Variants in LRP2 observed in about 807,000 individuals in gnomAD.
LRP2 encodes the protein low-density lipoprotein receptor-related protein 2.
Under a neutral mutation model 531.0 loss-of-function variants are expected in LRP2, and 172 were observed. The ratio of observed to expected loss-of-function variants is 0.32; its 90% CI spans 0.29 to 0.37. The LOEUF (loss-of-function observed/expected upper bound fraction) is 0.37, where lower values mean the gene tolerates loss of function less well. Among genes scored for constraint, LRP2 ranks in the 10% least tolerant of loss-of-function variants. The pLI, the probability that LRP2 is intolerant of heterozygous loss-of-function variation, is 1.00. For missense variants in LRP2, 5,167 were observed against 5,868.3 expected (o/e 0.88, Z 3.90); for synonymous variants, 1,992 against 2,027.6 (o/e 0.98, Z 0.47).
At chr2:169,261,600 T>C (rs1385926531) in intron 16 of LRP2, among the ~76,000 whole-genome samples, 1 of 151,606 alleles carries the variant, frequency 6.6e-6, no homozygotes, top group Non-Finnish European at 1.5e-5. Context: ...AGGAATATTT[T>C]AAAAGGTAGG....
At chr2:169,273,791 G>A (rs1320612801) in intron 14 of LRP2, among the ~76,000 whole-genome samples, 1 of 151,948 alleles carries the variant, frequency 6.6e-6, no homozygotes, top group African/African-American at 2.4e-5. Flanking sequence ...ATTGATTTGG[G>A]GAAACAATAG....
chr2:169,273,273 C>T (rs1430856939), intron 14 of LRP2, among the ~76,000 whole-genome samples: 1 of 152,074 alleles, frequency 6.6e-6, no homozygotes, highest in East Asian at 1.9e-4. Flanking sequence ...CTCCCATCCA[C>T]TCTCCAACAG....
Position 169,259,087 on chromosome 2 carries a change from C to G in LRP2, c.2451G>C (p.Thr817=). The G allele has an allele frequency of 6.2e-7, 1 of 1,613,372 alleles. No homozygotes were observed. Among genetic ancestry groups the G allele is most frequent in the Admixed American group, 1.7e-5 (1 of 59,904 alleles). ...TTAAATACTGAACTACTGTGCGTCT[C>G]GTTTTATCAGCTAGCCTCATGACAC... ...SISVMRLADK[T]RRTVVQYLNN... Residue 817 remains threonine (T), a synonymous_variant, in exon 17 of 79, where the codon ACG becomes ACC. Transcript: ENST00000649046.
At chr2:169,184,241 C>A (rs949195945) in intron 50 of LRP2, among the ~76,000 whole-genome samples, 1 of 152,144 alleles carries the variant, frequency 6.6e-6, no homozygotes, top group African/African-American at 2.4e-5. Context: ...AATCATTAAT[C>A]ACTATACTTT....
chr2:169,133,434 C>A (rs189128963), intron 76 of LRP2, among the ~76,000 whole-genome samples: 1 of 152,190 alleles, frequency 6.6e-6, no homozygotes, highest in Non-Finnish European at 1.5e-5. Context: ...TGTCGTATCT[C>A]TTTTATCATG....
intron 1 of LRP2, among the ~76,000 whole-genome samples, chr2:169,344,256 C>T (rs1336141908): frequency 2.6e-5 from 4 of 152,092 alleles, no homozygotes; most frequent in African/African-American, 9.7e-5. Context: ...TCTCCTAATG[C>T]TATCCCTCCC....
chr2:169,168,699 A>G (rs765438020), intron 60 of LRP2, 23 bp from the exon 61 acceptor site: 1 of 1,613,712 alleles, frequency 6.2e-7, no homozygotes, highest in Admixed American at 1.7e-5. Flanking sequence ...AAAAAAACAT[A>G]TTCAAATTAT....
At chr2:169,243,267 C>T (rs1242063595) in intron 23 of LRP2, 136 bp downstream of exon 23, 4 of 1,084,350 alleles carry the variant, frequency 3.7e-6, no homozygotes, top group Admixed American at 3.9e-5. Context: ...GGTATTTCTC[C>T]TAATGCCATC....
At chr2:169,293,129 C>T (rs1006279469) in intron 6 of LRP2, among the ~76,000 whole-genome samples, 1 of 152,192 alleles carries the variant, frequency 6.6e-6, no homozygotes, top group Admixed American at 6.5e-5. Flanking sequence ...CACCCTAAGG[C>T]ATGGGTACCA....
chr2:169,204,607 T>A (rs1398979557), intron 41 of LRP2, among the ~76,000 whole-genome samples: 1 of 152,186 alleles, frequency 6.6e-6, no homozygotes, highest in African/African-American at 2.4e-5. Flanking sequence ...AAACAATAAC[T>A]TTTCCATCCC....
At chr2:169,162,250 A>G (rs937709203) in intron 63 of LRP2, among the ~76,000 whole-genome samples, 1 of 152,196 alleles carries the variant, frequency 6.6e-6, no homozygotes, top group African/African-American at 2.4e-5. Context: ...AAGAGATAAT[A>G]ACATCTAACT....
chr2:169,195,588 G>A (rs955197408), intron 46 of LRP2, among the ~76,000 whole-genome samples: 1 of 151,958 alleles, frequency 6.6e-6, no homozygotes, highest in Non-Finnish European at 1.5e-5. Flanking sequence ...TCAGGTCATT[G>A]GTACTCACTG....
At position 169,222,572 on chromosome 2, in the gene LRP2, T is replaced by C. The variant is rs560461477; in HGVS notation, c.5539-2009A>G. On this transcript the variant is annotated intron_variant, in intron 33 of 78. Coordinates refer to ENST00000649046, the MANE Select transcript of LRP2 (RefSeq NM_004525.3). Reference sequence around the variant, plus strand: ...GACAAATTCCAAGATCACCAATGGATGCCTGAAACCTCAGATAGTACTGAA... The same window carrying C: ...GACAAATTCCAAGATCACCAATGGACGCCTGAAACCTCAGATAGTACTGAA... Among the ~76,000 whole-genome samples the C allele has an allele frequency of 5.9e-5, 9 of 152,322 alleles. No homozygotes were observed. The South Asian group carries it at 1.9e-3, about 32-fold the overall frequency.
chr2:169,145,903 C>T lies in LRP2; in HGVS notation c.12832G>A (p.Asp4278Asn). Reference sequence around the variant, plus strand: ...CAGTATAACTGGTCTTCAAAGATGTCCAGGCTGTAAGGGTTCATTGCTGCT... The same window carrying T: ...CAGTATAACTGGTCTTCAAAGATGTTCAGGCTGTAAGGGTTCATTGCTGCT... ...AKEAMNPYSLDIFEDQLYWIS... is the reference protein window; with the variant it reads ...AKEAMNPYSLNIFEDQLYWIS... The change falls in exon 70 of 79, where the codon GAC (aspartate) becomes AAC (asparagine). Residue 4278 changes from aspartate to asparagine, a missense_variant. Physicochemically the swap from Asp to Asn is conservative, Grantham distance 23 (BLOSUM62 1). This residue lies in a region of LRP2 where 564 missense variants were observed against 747.7 expected (regional missense o/e 0.75). Transcript: ENST00000649046. The T allele has an allele frequency of 6.2e-7, 1 of 1,614,088 alleles. No individual in the cohort carries two copies. The highest frequency in any genetic ancestry group is 8.5e-7 in the Non-Finnish European group (1 of 1,180,002).
Position 169,206,639 on chromosome 2 carries a change from G to T in LRP2, c.7081C>A (p.Pro2361Thr), listed in dbSNP as rs776174341. The T allele has an allele frequency of 8.1e-6, 13 of 1,613,994 alleles. No individual in the cohort carries two copies. In the African/African-American group the frequency reaches 1.7e-4, roughly 22 times the overall value. The change falls in exon 39 of 79, where the codon CCT becomes ACT. Residue 2361 changes from proline to threonine, a missense_variant. This residue lies in a region of LRP2 where 2,811 missense variants were observed against 3,058.0 expected (regional missense o/e 0.92). Transcript: ENST00000649046. ...TCACATTTTGGGGTGTGCAATCCAGGCAGAGCAAAGCAGAGATGAGAGCAC... is the reference window on the plus strand; with the variant it reads ...TCACATTTTGGGGTGTGCAATCCAGTCAGAGCAAAGCAGAGATGAGAGCAC... The part of the protein sequence containing the change: ...GGCSHLCFAL[P>T]GLHTPKCDCA...
chr2:169,307,726 C>G (rs1219151383), intron 3 of LRP2, among the ~76,000 whole-genome samples: 1 of 152,130 alleles, frequency 6.6e-6, no homozygotes, highest in African/African-American at 2.4e-5. Flanking sequence ...GGACCCCCAA[C>G]CCACCCATTG....
chr2:169,264,701 G>A (rs1690721796), intron 16 of LRP2, among the ~76,000 whole-genome samples: 1 of 151,990 alleles, frequency 6.6e-6, no homozygotes, highest in Admixed American at 6.6e-5. Flanking sequence ...ACCCACATAT[G>A]CAGAAGCCTC....
rs940948499 is a variant in LRP2 at position 169,174,446 on chromosome 2, G to A, written c.10769-282C>T. On this transcript the variant is annotated intron_variant, in intron 55 of 78. Transcript: ENST00000649046. ...TTCCTCTGTCCCTATTCTCCTACTG[G>A]AAAATAGTCTTCAAACTTTGTGTTT... is the stretch of plus-strand genomic sequence containing the variant. Among the ~76,000 whole-genome samples the A allele has an allele frequency of 3.3e-5, 5 of 152,274 alleles. No individual in the cohort carries two copies. The South Asian group carries it at 6.2e-4, about 19-fold the overall frequency.
chr2:169,153,885 C>T (rs1203339514), intron 66 of LRP2, among the ~76,000 whole-genome samples: 5 of 152,078 alleles, frequency 3.3e-5, no homozygotes, highest in African/African-American at 4.8e-5. Flanking sequence ...GATCACCTAC[C>T]ACATAGAGTG....
Sources: gnomAD v4.1 joint callset for allele counts (sites outside exome capture counted in the v4.1 genomes callset) on GRCh38, gnomAD v4.1.1 for gene constraint, gnomAD v4.1.1 regional missense constraint, MANE v1.5 for transcripts, NCBI Gene and HGNC (gene_info 2026-07-23, HGNC 2026-07-21) for gene names.